Variants in GRID2 observed in about 807,000 individuals in gnomAD.
The protein encoded by GRID2 is glutamate ionotropic receptor delta type subunit 2.
Under a neutral mutation model 114.8 loss-of-function variants are expected in GRID2, and 33 were observed. The observed-to-expected ratio is 0.29, with a 90% confidence interval of 0.22 to 0.38. The LOEUF is 0.38. GRID2 is among the 10% of genes least tolerant of loss of function. GRID2 has a pLI of 1.00. For synonymous variants in GRID2, 505 were observed against 449.9 expected (o/e 1.12, Z -1.55); for missense variants, 1,184 against 1,257.7 (o/e 0.94, Z 0.89).
intron 14 of GRID2, among the ~76,000 whole-genome samples, chr4:93,705,954 T>A (rs1042486225): frequency 6.6e-6 from 1 of 152,214 alleles, no homozygotes; most frequent in South Asian, 2.1e-4. Flanking sequence ...CCTCAGTGTA[T>A]GTTCTTGGCA....
At chr4:93,260,033 G>C (rs180801481) in intron 8 of GRID2, among the ~76,000 whole-genome samples, 1 of 151,788 alleles carries the variant, frequency 6.6e-6, no homozygotes, top group African/African-American at 2.4e-5. Flanking sequence ...ATTTTACGTA[G>C]GAGGTATGTA....
chr4:93,602,974 C>A lies in GRID2; in HGVS notation c.2194-23295C>A, dbSNP rs149262646. ...CCTGTAATCCCAGCACTTTGGGAGGCCGAGGCGGGCAAATCACCTGAGGTC... is the reference window on the plus strand; with the variant it reads ...CCTGTAATCCCAGCACTTTGGGAGGACGAGGCGGGCAAATCACCTGAGGTC... On this transcript the variant is annotated intron_variant, in intron 13 of 15. Coordinates refer to ENST00000282020, the MANE Select transcript of GRID2 (RefSeq NM_001510.4). 4.6e-4 allele frequency among the ~76,000 whole-genome samples: 70 copies of A among 152,304 alleles called. No individual in the cohort carries two copies. The East Asian group carries it at 0.013, about 29-fold the overall frequency.
Position 93,422,849 on chromosome 4 carries a change from G to A in GRID2, c.1426G>A (p.Asp476Asn). Residue 476 changes from aspartate to asparagine, a missense_variant, in exon 10 of 16, where the codon GAT becomes AAT. By Grantham distance (23) the Asp-to-Asn change is conservative (BLOSUM62 1). Transcript: ENST00000282020. The stretch of plus-strand genomic sequence containing the variant: ...CCAGGGCTTCTCCATTGATGTTTTG[G>A]ATGCCTTATCTAACTACCTGGGTTT... ...KYQGFSIDVL[D>N]ALSNYLGFNY... 1 of 1,613,228 alleles carries A rather than the reference G, an allele frequency of 6.2e-7. No homozygotes were observed. The highest frequency in any genetic ancestry group is 8.5e-7 in the Non-Finnish European group (1 of 1,179,234).
In GRID2 at chr4:92,695,795, T is replaced by G. The variant is rs1051216222; in HGVS notation, c.244+105509T>G. Among the ~76,000 whole-genome samples, 8 of 152,232 alleles carry G rather than the reference T, an allele frequency of 5.3e-5. No homozygotes were observed. In the East Asian group the frequency reaches 1.5e-3, roughly 29 times the overall value. ...GAACTGGCTTGCTATTATCCTGCCATTTACCCAGAAGGACAGATGTCTCAA... is the reference window on the plus strand; with the variant it reads ...GAACTGGCTTGCTATTATCCTGCCAGTTACCCAGAAGGACAGATGTCTCAA... On this transcript the variant is annotated intron_variant, in intron 2 of 15. Coordinates refer to ENST00000282020, the MANE Select transcript of GRID2 (RefSeq NM_001510.4).
intron 1 of GRID2, among the ~76,000 whole-genome samples, chr4:93,800,978 C>T (rs561407844): frequency 1.2e-4 from 18 of 152,216 alleles, no homozygotes; most frequent in African/African-American, 2.9e-4. Context: ...AGCACAAAAA[C>T]GTAATTAGTG....
At chr4:93,621,040 T>G (rs1215068845) in intron 13 of GRID2, among the ~76,000 whole-genome samples, 1 of 152,206 alleles carries the variant, frequency 6.6e-6, no homozygotes, top group Non-Finnish European at 1.5e-5. Flanking sequence ...GTAAGCAGCT[T>G]GATGATGGGG....
intron 2 of GRID2, among the ~76,000 whole-genome samples, chr4:92,674,513 GTTTA>G (rs1324801803): frequency 2.6e-5 from 4 of 151,830 alleles, no homozygotes; most frequent in African/African-American, 9.7e-5. Context: ...TTACCCATTT[GTTTA>G]TTTATTATTA....
chr4:93,448,568 TATTACAA>T, intron 10 of GRID2, among the ~76,000 whole-genome samples: 1 of 151,958 alleles, frequency 6.6e-6, no homozygotes, highest in Non-Finnish European at 1.5e-5. Context: ...TTAAGTACTT[TATTACAA>T]ATAGTGTTCC....
Position 93,085,251 on chromosome 4 carries a change from A to G in GRID2, c.501A>G (p.Lys167=). 6.2e-7 allele frequency: 1 copy of G among 1,613,422 alleles called. No homozygotes were observed. The highest frequency in any genetic ancestry group is 8.5e-7 in the Non-Finnish European group (1 of 1,179,314). The change falls in exon 3 of 16, where the codon AAA becomes AAG. Residue 167 remains lysine (K), a synonymous_variant. Coordinates refer to ENST00000282020, the MANE Select transcript of GRID2 (RefSeq NM_001510.4). The stretch of plus-strand genomic sequence containing the variant: ...TGGTCACAGAGTATGCCTGGCAGAA[A>G]TTCATTATATTCTATGATAGTGAAT... ...LRVVTEYAWQ[K]FIIFYDSEYD...
chr4:92,576,146 T>C (rs1727881283), intron 1 of GRID2, among the ~76,000 whole-genome samples: 1 of 152,086 alleles, frequency 6.6e-6, no homozygotes, highest in South Asian at 2.1e-4. Flanking sequence ...ATAGAATATG[T>C]GCAGGCAGGC....
intron 1 of GRID2, among the ~76,000 whole-genome samples, chr4:92,382,352 T>C (rs745508150): frequency 3.3e-5 from 5 of 152,012 alleles, no homozygotes; most frequent in Non-Finnish European, 7.4e-5. Context: ...GAGTTCAGTA[T>C]GGGAGGAGGA....
At chr4:93,715,144 C>T (rs113385468) in intron 14 of GRID2, among the ~76,000 whole-genome samples, 6,398 of 152,142 alleles carry the variant, frequency 0.042, 217 homozygotes, top group African/African-American at 0.084. Context: ...CAATTTTCTG[C>T]CTATGGCTAA....
At chr4:93,564,849 C>T (rs1011745906) in intron 13 of GRID2, among the ~76,000 whole-genome samples, 3 of 152,030 alleles carry the variant, frequency 2.0e-5, no homozygotes, top group African/African-American at 4.8e-5. Context: ...TACAAATATA[C>T]GTCACTGTTT....
intron 2 of GRID2, among the ~76,000 whole-genome samples, chr4:92,626,039 A>C (rs1730505370): frequency 6.6e-6 from 1 of 151,950 alleles, no homozygotes; most frequent in Non-Finnish European, 1.5e-5. Context: ...CACTTGCTAC[A>C]AAATACCTAA....
At chr4:92,758,544 C>A (rs1044866639) in intron 2 of GRID2, among the ~76,000 whole-genome samples, 1 of 152,002 alleles carries the variant, frequency 6.6e-6, no homozygotes, top group Admixed American at 6.5e-5. Context: ...ACTTTAAGTA[C>A]TCAATGGGGA....
At chr4:93,191,926 T>A (rs1276451038) in intron 4 of GRID2, among the ~76,000 whole-genome samples, 5 of 152,218 alleles carry the variant, frequency 3.3e-5, no homozygotes, top group Admixed American at 2.0e-4. Context: ...ATTATACCCA[T>A]AATATCTTCT....
intron 2 of GRID2, among the ~76,000 whole-genome samples, chr4:92,787,234 A>G (rs1739361095): frequency 6.6e-6 from 1 of 151,932 alleles, no homozygotes; most frequent in Non-Finnish European, 1.5e-5. Context: ...CATCAAGTAT[A>G]TATTCTAACT....
intron 2 of GRID2, among the ~76,000 whole-genome samples, chr4:92,974,865 G>T (rs889205612): frequency 6.6e-6 from 1 of 151,748 alleles, no homozygotes; most frequent in Non-Finnish European, 1.5e-5. Flanking sequence ...CAAAAAAAGT[G>T]TTGATTAACA....
intron 12 of GRID2, among the ~76,000 whole-genome samples, 182 bp downstream of exon 12, chr4:93,490,959 G>A (rs1726938462): frequency 6.6e-6 from 1 of 151,876 alleles, no homozygotes; most frequent in African/African-American, 2.4e-5. Flanking sequence ...TGCAGTATTG[G>A]TAGAGCATTT....
Sources: allele counts gnomAD v4.1 joint callset (sites outside exome capture counted in the v4.1 genomes callset), GRCh38; gene constraint gnomAD v4.1.1; transcripts MANE v1.5; gene names NCBI Gene and HGNC (gene_info 2026-07-23, HGNC 2026-07-21).